Variants in MBOAT2 observed in about 807,000 individuals in gnomAD.
The protein encoded by MBOAT2 is membrane bound glycerophospholipid O-acyltransferase 2, also known as membrane-bound glycerophospholipid O-acyltransferase 2.
A neutral mutation model predicts 63.4 loss-of-function variants in MBOAT2; 28 were observed. That is an observed-to-expected ratio of 0.44 (90% confidence interval 0.33 to 0.61). The LOEUF is 0.61. Among genes scored for constraint, MBOAT2 ranks in the 20% least tolerant of loss-of-function variants. The pLI is 0.03. For synonymous variants in MBOAT2, 211 were observed against 215.6 expected (o/e 0.98, Z 0.19); for missense variants, 470 against 605.8 (o/e 0.78, Z 2.35).
intron 4 of MBOAT2, among the ~76,000 whole-genome samples, chr2:8,893,077 G>C (rs1190016201): frequency 2.3e-4 from 30 of 132,476 alleles, no homozygotes; most frequent in African/African-American, 7.9e-4. Flanking sequence ...GGGTGGGGGA[G>C]GAGGCAGGGG....
chr2:8,897,148 T>C (rs1171083870), intron 4 of MBOAT2, among the ~76,000 whole-genome samples: 1 of 151,248 alleles, frequency 6.6e-6, no homozygotes, highest in East Asian at 1.9e-4. Context: ...TTTGTCTCTG[T>C]CTCTTCCTCT....
intron 3 of MBOAT2, among the ~76,000 whole-genome samples, chr2:8,938,485 TCCACCACGTTTCATG>T (rs1667816167): frequency 1.3e-5 from 2 of 150,630 alleles, no homozygotes; most frequent in South Asian, 4.2e-4. Flanking sequence ...CGTGTTTCAT[TCCACCACGTTTCATG>T]CCGCCACATT....
chr2:8,932,674 G>C (rs768025287), intron 3 of MBOAT2, among the ~76,000 whole-genome samples: 3 of 151,818 alleles, frequency 2.0e-5, no homozygotes, highest in Non-Finnish European at 4.4e-5. Flanking sequence ...TGGAACCTCA[G>C]TGTCCCCATC....
chr2:8,884,086 ATTAGTTGGGTGTGGCGGCGGGCGCCT>A (rs1663353440), intron 5 of MBOAT2, among the ~76,000 whole-genome samples: 1 of 148,102 alleles, frequency 6.8e-6, no homozygotes. Context: ...GAAAAAAAAA[ATTAGTTGGGTGTGGCGGCGGGCGCCT>A]ATAATCCCAA....
At chr2:8,863,536 G>A (rs571008335) in intron 10 of MBOAT2, among the ~76,000 whole-genome samples, 11 of 152,138 alleles carry the variant, frequency 7.2e-5, no homozygotes, top group Admixed American at 3.9e-4. Flanking sequence ...CACGAGACAC[G>A]CTCCTGACAC....
At chr2:8,947,059 G>T (rs990998050) in intron 2 of MBOAT2, among the ~76,000 whole-genome samples, 2 of 152,194 alleles carry the variant, frequency 1.3e-5, no homozygotes, top group Admixed American at 6.5e-5. Flanking sequence ...ACAAAGAAAA[G>T]GTTATGGAAG....
In MBOAT2 at chr2:8,898,099, G is replaced by A. The variant is rs541711907; in HGVS notation, c.396-10026C>T. Among the ~76,000 whole-genome samples the A allele has an allele frequency of 2.0e-3, 308 of 152,258 alleles. 2 individuals are homozygous for A. The highest frequency in any genetic ancestry group is 0.019 in the South Asian group (93 of 4,818). On this transcript the variant is annotated intron_variant, in intron 4 of 12. Transcript: ENST00000305997. ...TTACTTTGGTATGCCACTGTTTGTG[G>A]GGTTGTCCCACGAGTCTGAGTAAGG...
intron 3 of MBOAT2, among the ~76,000 whole-genome samples, chr2:8,912,299 A>AAAAGAAAGAAAGAAAGAAAGAAAG (rs35633754): frequency 8.5e-5 from 4 of 46,844 alleles, no homozygotes; most frequent in African/African-American, 1.6e-4. Flanking sequence ...GAAAAGAAAG[A>AAAAGAAAGAAAGAAAGAAAGAAAG]AAAGAAAGAA....
At chr2:8,995,589 C>CTTTTTTTTTTTTTTTTT (rs1402516555) in intron 1 of MBOAT2, among the ~76,000 whole-genome samples, 1 of 145,536 alleles carries the variant, frequency 6.9e-6, no homozygotes, top group African/African-American at 2.7e-5. Context: ...AAATACATTC[C>CTTTTTTTTTTTTTTTTT]ATTTTTTTTT....
In MBOAT2 at chr2:8,977,263, G is replaced by C. The variant is rs190698946; in HGVS notation, c.76-18621C>G. ...ATAAGTTCACATTGACCACCACTGGGTTCAACTGAAAACCTTGCAATGTGA... is the reference window on the plus strand; with the variant it reads ...ATAAGTTCACATTGACCACCACTGGCTTCAACTGAAAACCTTGCAATGTGA... On this transcript the variant is annotated intron_variant, in intron 1 of 12. Transcript: ENST00000305997. Among the ~76,000 whole-genome samples, 253 of 152,124 alleles carry C rather than the reference G, an allele frequency of 1.7e-3. 4 individuals are homozygous for C. The highest frequency in any genetic ancestry group is 2.0e-3 in the Admixed American group (30 of 15,262).
At chr2:8,901,455 G>C (rs1209390987) in intron 4 of MBOAT2, among the ~76,000 whole-genome samples, 1 of 152,104 alleles carries the variant, frequency 6.6e-6, no homozygotes, top group African/African-American at 2.4e-5. Context: ...TCAAAAACCT[G>C]TTAGAGTCCT....
At chr2:8,929,580 T>C (rs572138685) in intron 3 of MBOAT2, among the ~76,000 whole-genome samples, 1 of 152,356 alleles carries the variant, frequency 6.6e-6, no homozygotes, top group Admixed American at 6.5e-5. Context: ...CTTCAACTCT[T>C]GAGCTCAAGC....
At chr2:8,905,825 A>T (rs185503607) in intron 4 of MBOAT2, among the ~76,000 whole-genome samples, 1 of 152,342 alleles carries the variant, frequency 6.6e-6, no homozygotes, top group Admixed American at 6.5e-5. Context: ...GTTTCCTCCT[A>T]ATGGATAAAA....
intron 1 of MBOAT2, among the ~76,000 whole-genome samples, chr2:8,977,699 G>A (rs939195790): frequency 2.0e-5 from 3 of 151,930 alleles, no homozygotes; most frequent in Admixed American, 1.3e-4. Flanking sequence ...ACATTTATTC[G>A]GCTGTCCATT....
At chr2:8,885,110 T>G (rs1168752810) in intron 5 of MBOAT2, among the ~76,000 whole-genome samples, 2 of 152,220 alleles carry the variant, frequency 1.3e-5, no homozygotes, top group South Asian at 4.1e-4. Context: ...ATTTTTTCAC[T>G]GAATTAATGG....
chr2:8,991,156 T>C (rs1671896036), intron 1 of MBOAT2, among the ~76,000 whole-genome samples: 1 of 152,108 alleles, frequency 6.6e-6, no homozygotes, highest in Non-Finnish European at 1.5e-5. Context: ...AACTCCAGAG[T>C]TATCACAAAA....
At chr2:8,968,832 A>C (rs1381999219) in intron 1 of MBOAT2, among the ~76,000 whole-genome samples, 1 of 152,210 alleles carries the variant, frequency 6.6e-6, no homozygotes, top group African/African-American at 2.4e-5. Context: ...TTAGAGAAAA[A>C]AGAGTAAAAA....
At chr2:8,864,475 A>C (rs1218327438) in intron 9 of MBOAT2, among the ~76,000 whole-genome samples, 2 of 152,142 alleles carry the variant, frequency 1.3e-5, no homozygotes, top group African/African-American at 4.8e-5. Context: ...CTTGTATGTT[A>C]ACATTTACAA....
chr2:8,977,953 G>C (rs1216542087), intron 1 of MBOAT2, among the ~76,000 whole-genome samples: 1 of 152,008 alleles, frequency 6.6e-6, no homozygotes, highest in Non-Finnish European at 1.5e-5. Flanking sequence ...CCCGGACTCT[G>C]TCTCCACGGC....
Sources: gnomAD v4.1 joint callset for allele counts (sites outside exome capture counted in the v4.1 genomes callset) on GRCh38, gnomAD v4.1.1 for gene constraint, MANE v1.5 for transcripts, NCBI Gene and HGNC (gene_info 2026-07-23, HGNC 2026-07-21) for gene names.